Variants in CDK14 observed in about 807,000 individuals in gnomAD.
The protein encoded by CDK14 is cyclin dependent kinase 14, also known as cyclin-dependent kinase 14.
A neutral mutation model predicts 60.7 loss-of-function variants in CDK14; 34 were observed. The observed-to-expected ratio is 0.56, with a 90% CI of 0.43 to 0.75. The LOEUF (loss-of-function observed/expected upper bound fraction) is 0.75, where lower values mean the gene tolerates loss of function less well. Among genes scored for constraint, CDK14 ranks in the 30% least tolerant of loss-of-function variants. The pLI is 0.00. For missense variants in CDK14, 482 were observed against 564.1 expected, an observed-to-expected ratio of 0.85 and a Z score of 1.47; for synonymous variants, 197 against 203.7, an observed-to-expected ratio of 0.97 and a Z score of 0.28.
At chr7:90,827,587 G>A (rs1789770059) in intron 5 of CDK14, among the ~76,000 whole-genome samples, 2 of 152,210 alleles carry the variant, frequency 1.3e-5, no homozygotes, top group South Asian at 2.1e-4. Context: ...GGGTTTAAAA[G>A]TATGGGTCCT....
chr7:91,144,770 G>A (rs933986796), intron 14 of CDK14, among the ~76,000 whole-genome samples: 6 of 152,124 alleles, frequency 3.9e-5, no homozygotes, highest in Non-Finnish European at 8.8e-5. Context: ...ATATTGGCGG[G>A]CTTGGAAAAA....
Position 90,753,125 on chromosome 7 carries a change from C to T in CDK14, c.464+5350C>T, listed in dbSNP as rs539953613. Among the ~76,000 whole-genome samples, 7 of 152,164 alleles carry T rather than the reference C, an allele frequency of 4.6e-5. No homozygotes were observed. The East Asian group carries it at 9.7e-4, about 21-fold the overall frequency. The stretch of plus-strand genomic sequence containing the variant: ...GCAAAAAATTGAGGAAGATGGACAC[C>T]GCCTTATCATCGAGGATGATGAAGC... On this transcript the variant is annotated intron_variant, in intron 4 of 14. Transcript: ENST00000380050.
At chr7:91,132,555 T>C (rs150252615) in intron 14 of CDK14, among the ~76,000 whole-genome samples, 1 of 152,326 alleles carries the variant, frequency 6.6e-6, no homozygotes, top group South Asian at 2.1e-4. Context: ...TGAGAGATCC[T>C]TTAGGAATCA....
intron 12 of CDK14, among the ~76,000 whole-genome samples, chr7:91,086,030 A>G (rs1243604839): frequency 2.0e-5 from 3 of 152,174 alleles, no homozygotes; most frequent in African/African-American, 7.2e-5. Flanking sequence ...TAAGGGCCAC[A>G]TGTGGTTGGT....
chr7:90,609,549 T>C (rs1015761331), intron 2 of CDK14, among the ~76,000 whole-genome samples: 2 of 152,136 alleles, frequency 1.3e-5, no homozygotes, highest in Admixed American at 6.5e-5. Context: ...CCCCCTTCGC[T>C]GTCTTGCTCT....
intron 10 of CDK14, among the ~76,000 whole-genome samples, chr7:91,009,867 C>G (rs2115805804): frequency 6.6e-6 from 1 of 152,190 alleles, no homozygotes; most frequent in South Asian, 2.1e-4. Flanking sequence ...CCCATGGTCA[C>G]AAAGATTTTC....
At chr7:91,155,973 A>G (rs567628111) in intron 14 of CDK14, among the ~76,000 whole-genome samples, 1 of 152,350 alleles carries the variant, frequency 6.6e-6, no homozygotes, top group East Asian at 1.9e-4. Context: ...TTTGAGATAT[A>G]AAAACTCTAT....
At chr7:90,700,789 G>A (rs1458648074) in intron 2 of CDK14, among the ~76,000 whole-genome samples, 2 of 152,014 alleles carry the variant, frequency 1.3e-5, no homozygotes, top group African/African-American at 4.8e-5. Flanking sequence ...TTCTCAACTT[G>A]AACTCCCATA....
intron 5 of CDK14, among the ~76,000 whole-genome samples, chr7:90,824,300 A>G (rs1789647322): frequency 6.6e-6 from 1 of 152,204 alleles, no homozygotes; most frequent in Non-Finnish European, 1.5e-5. Context: ...AGAAAATCAA[A>G]GCTTCAGGAG....
Position 90,656,240 on chromosome 7 carries a change from T to A in CDK14, c.123+51991T>A, listed in dbSNP as rs576116329. ...GCATTTGAGTTACAATGGGGAATGTTTCACTTATTATTCAACATTTCATCA... is the reference window on the plus strand; with the variant it reads ...GCATTTGAGTTACAATGGGGAATGTATCACTTATTATTCAACATTTCATCA... On this transcript the variant is annotated intron_variant, in intron 2 of 14. Coordinates refer to ENST00000380050, the MANE Select transcript of CDK14 (RefSeq NM_001287135.2). Among the ~76,000 whole-genome samples the A allele has an allele frequency of 4.6e-5, 7 of 152,326 alleles. No individual in the cohort carries two copies. In the East Asian group the frequency reaches 1.3e-3, roughly 29 times the overall value.
At chr7:90,683,888 G>A (rs1584791693) in intron 2 of CDK14, among the ~76,000 whole-genome samples, 1 of 146,180 alleles carries the variant, frequency 6.8e-6, no homozygotes, top group African/African-American at 2.6e-5. Flanking sequence ...GATAGAGCTA[G>A]AAAATGTACG....
intron 2 of CDK14, among the ~76,000 whole-genome samples, chr7:90,611,787 C>G (rs934307548): frequency 4.0e-5 from 6 of 151,370 alleles, no homozygotes; most frequent in Non-Finnish European, 5.9e-5. Flanking sequence ...CACGATCTAT[C>G]TCTTTCGTAC....
At chr7:90,693,620 G>A (rs1338586371) in intron 2 of CDK14, among the ~76,000 whole-genome samples, 1 of 152,150 alleles carries the variant, frequency 6.6e-6, no homozygotes, top group Non-Finnish European at 1.5e-5. Context: ...GTGCTGTGTT[G>A]CTTCTTTGTC....
At chr7:90,956,967 G>A (rs1562844521) in intron 9 of CDK14, among the ~76,000 whole-genome samples, 1 of 151,284 alleles carries the variant, frequency 6.6e-6, no homozygotes, top group Non-Finnish European at 1.5e-5. Context: ...TGGCTGCATA[G>A]TATTCCATGG....
intron 3 of CDK14, among the ~76,000 whole-genome samples, chr7:90,740,515 ACC>A: frequency 6.6e-6 from 1 of 152,126 alleles, no homozygotes; most frequent in African/African-American, 2.4e-5. Context: ...GATCCCATCA[ACC>A]AGAGGGAAGG....
rs141836481 is a variant in CDK14 at position 90,883,176 on chromosome 7, T to C, written c.640-16115T>C. ...TCCAGGAACTGGTGTTTTGAAAAAATTAACAAAATACACAGCCTCCTAGCT... is the reference window on the plus strand; with the variant it reads ...TCCAGGAACTGGTGTTTTGAAAAAACTAACAAAATACACAGCCTCCTAGCT... On this transcript the variant is annotated intron_variant, in intron 6 of 14. Transcript: ENST00000380050. Among the ~76,000 whole-genome samples, 24 of 147,938 alleles carry C rather than the reference T, an allele frequency of 1.6e-4. No individual in the cohort carries two copies. In the East Asian group the frequency reaches 4.7e-3, roughly 29 times the overall value.
intron 10 of CDK14, among the ~76,000 whole-genome samples, chr7:91,011,705 GTTC>G (rs1394099421): frequency 7.2e-5 from 11 of 151,930 alleles, no homozygotes; most frequent in African/African-American, 2.4e-5. Context: ...TCAGTAATCT[GTTC>G]TTCTTCAATA....
At chr7:90,692,983 G>A (rs989242685) in intron 2 of CDK14, among the ~76,000 whole-genome samples, 2 of 151,868 alleles carry the variant, frequency 1.3e-5, no homozygotes, top group Non-Finnish European at 2.9e-5. Flanking sequence ...TGCCAGTAGG[G>A]TTCTGTAGCT....
chr7:90,683,733 A>T (rs961984319), intron 2 of CDK14, among the ~76,000 whole-genome samples: 3 of 152,172 alleles, frequency 2.0e-5, no homozygotes, highest in Non-Finnish European at 2.9e-5. Context: ...TTTGGGAGGC[A>T]GAGGTTGCAG....
Sources: allele counts gnomAD v4.1 joint callset (sites outside exome capture counted in the v4.1 genomes callset), GRCh38; gene constraint gnomAD v4.1.1; transcripts MANE v1.5; gene names NCBI Gene and HGNC (gene_info 2026-07-23, HGNC 2026-07-21).